The following STPG2 variants were observed in gnomAD, a reference collection of about 807,000 sequenced individuals.
STPG2 encodes the protein sperm-tail PG-rich repeat-containing protein 2.
Under a neutral mutation model 54.2 loss-of-function variants are expected in STPG2, and 56 were observed. That is an observed-to-expected ratio of 1.03 (90% CI 0.83 to 1.29). The LOEUF is 1.29. STPG2 is among the 50% of genes most tolerant of loss of function. The probability of loss-of-function intolerance (pLI) is 0.00; values close to 1 mark genes in which losing one functional copy is unlikely to be tolerated. For synonymous variants in STPG2, 200 were observed against 181.8 expected (o/e 1.10, Z -0.81); for missense variants, 596 against 544.9 (o/e 1.09, Z -0.93).
intron 9 of STPG2, among the ~76,000 whole-genome samples, chr4:97,824,332 T>C (rs1233513080): frequency 1.3e-5 from 2 of 152,156 alleles, no homozygotes; most frequent in Admixed American, 6.5e-5. Context: ...TACCATTCAT[T>C]CAAAGTTGAA....
At chr4:98,085,902 G>A (rs1013658992) in intron 5 of STPG2, among the ~76,000 whole-genome samples, 2 of 152,012 alleles carry the variant, frequency 1.3e-5, no homozygotes, top group African/African-American at 4.8e-5. Flanking sequence ...CTAATCAGTA[G>A]TTATCACAGT....
At chr4:97,798,499 G>A (rs941271757) in intron 9 of STPG2, among the ~76,000 whole-genome samples, 6 of 152,140 alleles carry the variant, frequency 3.9e-5, no homozygotes, top group Non-Finnish European at 8.8e-5. Flanking sequence ...GGTTTTCAGT[G>A]AGTTTCTTAA....
chr4:97,778,262 T>A (rs1285057154), intron 9 of STPG2, among the ~76,000 whole-genome samples: 1 of 152,090 alleles, frequency 6.6e-6, no homozygotes, highest in African/African-American at 2.4e-5. Flanking sequence ...CAAGAGGAGA[T>A]TATATCCCAT....
At chr4:97,721,289 A>G (rs1724440540) in intron 9 of STPG2, among the ~76,000 whole-genome samples, 1 of 152,138 alleles carries the variant, frequency 6.6e-6, no homozygotes, top group African/African-American at 2.4e-5. Flanking sequence ...GCTGGTCAGA[A>G]AGACACATAT....
chr4:97,609,441 G>A (rs547887468), intron 10 of STPG2, among the ~76,000 whole-genome samples: 68 of 152,076 alleles, frequency 4.5e-4, no homozygotes, highest in African/African-American at 9.1e-4. Flanking sequence ...CTATTCAGGA[G>A]AAGAGATTCT....
At chr4:97,758,417 A>G (rs1477625948) in intron 9 of STPG2, among the ~76,000 whole-genome samples, 1 of 152,226 alleles carries the variant, frequency 6.6e-6, no homozygotes, top group East Asian at 1.9e-4. Context: ...TGTGGCACAT[A>G]TACACCATGG....
chr4:98,127,631 G>T (rs550579758), intron 3 of STPG2, among the ~76,000 whole-genome samples: 1 of 152,152 alleles, frequency 6.6e-6, no homozygotes, highest in African/African-American at 2.4e-5. Context: ...CCATAGGTTC[G>T]AAGTACTATG....
intron 5 of STPG2, among the ~76,000 whole-genome samples, chr4:98,069,330 T>C (rs1737931281): frequency 6.6e-6 from 1 of 152,110 alleles, no homozygotes; most frequent in Admixed American, 6.6e-5. Flanking sequence ...ATGACTGATA[T>C]GCAAACTTTT....
At chr4:97,505,640 G>GTAA (rs1730828203) in intron 4 of STPG2, among the ~76,000 whole-genome samples, 1 of 151,878 alleles carries the variant, frequency 6.6e-6, no homozygotes, top group Admixed American at 6.6e-5. Context: ...CTTTGAATAT[G>GTAA]TAATTTTGAC....
At chr4:97,873,434 C>T (rs1425134838) in intron 8 of STPG2, among the ~76,000 whole-genome samples, 1 of 151,348 alleles carries the variant, frequency 6.6e-6, no homozygotes, top group Non-Finnish European at 1.5e-5. Context: ...AGTCTGAAAA[C>T]ACAGTGTTCA....
intron 2 of STPG2, among the ~76,000 whole-genome samples, chr4:98,131,800 T>C (rs1392354050): frequency 1.3e-5 from 2 of 152,128 alleles, no homozygotes; most frequent in East Asian, 3.9e-4. Flanking sequence ...CTACCTTCCA[T>C]AAAAATCCCA....
chr4:97,474,033 A>T (rs552731720), intron 4 of STPG2, among the ~76,000 whole-genome samples: 5 of 152,242 alleles, frequency 3.3e-5, no homozygotes, highest in Middle Eastern at 3.4e-3. Flanking sequence ...ACATTTGTCA[A>T]AACCCATGGA....
chr4:97,507,413 T>C (rs1730876444), intron 4 of STPG2, among the ~76,000 whole-genome samples: 1 of 151,946 alleles, frequency 6.6e-6, no homozygotes, highest in South Asian at 2.1e-4. Context: ...AAATAATGAA[T>C]CCAAAACTGA....
intron 4 of STPG2, among the ~76,000 whole-genome samples, chr4:97,543,068 A>T (rs112748934): frequency 0.067 from 10,213 of 151,992 alleles, 969 homozygotes; most frequent in African/African-American, 0.21. Context: ...GCACATGTAT[A>T]TATATGTAAC....
chr4:97,570,189 G>A (rs959240609), intron 10 of STPG2, among the ~76,000 whole-genome samples: 24 of 152,082 alleles, frequency 1.6e-4, no homozygotes, highest in Non-Finnish European at 3.4e-4. Flanking sequence ...AAATGCTTCA[G>A]ATAACATTAT....
intron 5 of STPG2, among the ~76,000 whole-genome samples, chr4:98,029,525 A>G (rs1358138653): frequency 6.6e-6 from 1 of 152,212 alleles, no homozygotes; most frequent in Non-Finnish European, 1.5e-5. Context: ...TGCACAATAT[A>G]TCACTTTTCA....
chr4:97,689,222 T>G (rs559833908), intron 10 of STPG2, among the ~76,000 whole-genome samples: 1 of 152,266 alleles, frequency 6.6e-6, no homozygotes, highest in Non-Finnish European at 1.5e-5. Context: ...AAAAGCTACT[T>G]ATCCTTATCT....
chr4:97,816,529 G>A (rs1727915877), intron 9 of STPG2, among the ~76,000 whole-genome samples: 2 of 152,032 alleles, frequency 1.3e-5, no homozygotes, highest in South Asian at 4.1e-4. Flanking sequence ...TCAGAGACCT[G>A]TTTAAAGATC....
intron 9 of STPG2, among the ~76,000 whole-genome samples, chr4:97,740,702 G>A (rs2149036201): frequency 6.6e-6 from 1 of 152,182 alleles, no homozygotes; most frequent in African/African-American, 2.4e-5. Flanking sequence ...ACTGCTCAAG[G>A]AAATAAAAGA....
Sources: allele counts gnomAD v4.1 joint callset (sites outside exome capture counted in the v4.1 genomes callset), GRCh38; gene constraint gnomAD v4.1.1; transcripts MANE v1.5; gene names NCBI Gene and HGNC (gene_info 2026-07-23, HGNC 2026-07-21).